The following ATRNL1 variants were observed in gnomAD, a reference collection of about 807,000 sequenced individuals.
ATRNL1 encodes the protein attractin-like protein 1.
ATRNL1 carries 95 observed loss-of-function variants against 182.7 expected under a neutral mutation model. That is an observed-to-expected ratio of 0.52 (90% CI 0.44 to 0.62). The LOEUF is 0.62. ATRNL1 is among the 20% of genes least tolerant of loss of function. ATRNL1 has a pLI of 0.00. For missense variants in ATRNL1, 1,471 were observed against 1,679.5 expected (o/e 0.88, Z 2.17); for synonymous variants, 576 against 568.3 (o/e 1.01, Z -0.19).
intron 10 of ATRNL1, among the ~76,000 whole-genome samples, 167 bp downstream of exon 10, chr10:115,241,892 A>G (rs899038449): frequency 1.3e-5 from 2 of 152,234 alleles, no homozygotes; most frequent in South Asian, 4.1e-4. Flanking sequence ...ATAGTAATAG[A>G]GCCAGGAGAA....
At chr10:115,741,568 G>A (rs1948140414) in intron 27 of ATRNL1, among the ~76,000 whole-genome samples, 2 of 152,136 alleles carry the variant, frequency 1.3e-5, no homozygotes, top group Non-Finnish European at 2.9e-5. Flanking sequence ...AGAGTTTTAT[G>A]ATTAATTTTA....
chr10:115,761,088 A>T (rs72826872), intron 27 of ATRNL1, among the ~76,000 whole-genome samples: 1 of 146,870 alleles, frequency 6.8e-6, no homozygotes, highest in Non-Finnish European at 1.5e-5. Context: ...AGCGTTTCAA[A>T]GACTGCACTG....
chr10:115,512,738 A>G (rs1488068173), intron 24 of ATRNL1, among the ~76,000 whole-genome samples: 6 of 151,920 alleles, frequency 3.9e-5, no homozygotes, highest in African/African-American at 1.4e-4. Context: ...ATAATTTTAG[A>G]TTGTAGTTTG....
chr10:115,334,195 G>T, intron 18 of ATRNL1, 87 bp from the exon 19 acceptor site: 1 of 915,376 alleles, frequency 1.1e-6, no homozygotes. Flanking sequence ...TTACAATCCA[G>T]CTTTTTAAGA....
intron 27 of ATRNL1, among the ~76,000 whole-genome samples, chr10:115,823,890 T>C (rs1950362827): frequency 6.6e-6 from 1 of 152,142 alleles, no homozygotes; most frequent in Non-Finnish European, 1.5e-5. Context: ...CCCCATCAAG[T>C]TGCCATTGAC....
At chr10:115,611,054 C>CTTTTTTTT (rs3086300) in intron 26 of ATRNL1, among the ~76,000 whole-genome samples, 10 of 147,110 alleles carry the variant, frequency 6.8e-5, no homozygotes, top group East Asian at 4.0e-4. Flanking sequence ...TTTCAAAGGA[C>CTTTTTTTT]TTTTTTTTTT....
chr10:115,118,470 GCAC>G (rs1364879154), intron 1 of ATRNL1, among the ~76,000 whole-genome samples: 1 of 152,090 alleles, frequency 6.6e-6, no homozygotes. Flanking sequence ...AGTTCTGGCA[GCAC>G]CATAAGCCGA....
chr10:115,918,098 CTTTTT>C (rs534230786), intron 28 of ATRNL1, among the ~76,000 whole-genome samples: 7 of 123,848 alleles, frequency 5.7e-5, no homozygotes, highest in African/African-American at 9.2e-5. Context: ...TTTTTAGTGT[CTTTTT>C]TTTTTTTTTT....
intron 1 of ATRNL1, among the ~76,000 whole-genome samples, chr10:115,100,196 GA>G (rs1331876431): frequency 6.6e-6 from 1 of 152,168 alleles, no homozygotes; most frequent in Non-Finnish European, 1.5e-5. Flanking sequence ...GGAAGGCTGA[GA>G]TGGGAGGATC....
In ATRNL1 at chr10:115,868,822, C is replaced by CTTTTTTTTTTTTTTTT. The variant is rs67676674; in HGVS notation, c.4018+20841_4018+20856dup. ...ATATATCTGGTGGCAAGTCTTTATT[C>CTTTTTTTTTTTTTTTT]TTTTTTTTTTTTTTTTTTTTTTTTT... On this transcript the variant is annotated intron_variant, in intron 28 of 28. Transcript: ENST00000355044. Among the ~76,000 whole-genome samples, 292 of 58,090 alleles carry CTTTTTTTTTTTTTTTT rather than the reference C, an allele frequency of 5.0e-3. 57 individuals carry two copies. The highest frequency in any genetic ancestry group is 6.5e-3 in the Non-Finnish European group (205 of 31,536). The allele number at this position is 58,090 out of a possible 152,430, so 38.1% of individuals were successfully genotyped here.
chr10:115,785,776 C>A (rs1555080290), intron 27 of ATRNL1, among the ~76,000 whole-genome samples: 1 of 152,102 alleles, frequency 6.6e-6, no homozygotes, highest in Non-Finnish European at 1.5e-5. Flanking sequence ...TTATCTCTTC[C>A]CTCTCGCATT....
chr10:115,172,063 G>A (rs147122861), intron 8 of ATRNL1, among the ~76,000 whole-genome samples: 208 of 152,146 alleles, frequency 1.4e-3, no homozygotes, highest in African/African-American at 4.9e-3. Flanking sequence ...TCCTTGTGCA[G>A]TCTTAATGAG....
intron 27 of ATRNL1, among the ~76,000 whole-genome samples, chr10:115,831,767 G>GTC (rs5788116): frequency 2.9e-5 from 4 of 136,778 alleles, no homozygotes; most frequent in Non-Finnish European, 3.1e-5. Flanking sequence ...AGTCAAGTGA[G>GTC]TTTTTTTTTT....
intron 22 of ATRNL1, among the ~76,000 whole-genome samples, chr10:115,464,189 A>T (rs1401855018): frequency 6.6e-6 from 1 of 152,020 alleles, no homozygotes; most frequent in Non-Finnish European, 1.5e-5. Context: ...AATTCTTATA[A>T]TATCATTTTG....
At chr10:115,118,214 A>G (rs1844576102) in intron 1 of ATRNL1, among the ~76,000 whole-genome samples, 2 of 151,846 alleles carry the variant, frequency 1.3e-5, no homozygotes, top group Admixed American at 6.6e-5. Flanking sequence ...ATGTGATCCC[A>G]TTTGTCCATT....
intron 9 of ATRNL1, among the ~76,000 whole-genome samples, chr10:115,228,307 T>TA (rs1202944942): frequency 2.0e-5 from 3 of 152,174 alleles, no homozygotes; most frequent in Non-Finnish European, 4.4e-5. Flanking sequence ...ATCTTGAACT[T>TA]ATAGGAGTTC....
At chr10:115,812,339 G>T (rs782688055) in intron 27 of ATRNL1, among the ~76,000 whole-genome samples, 1 of 151,992 alleles carries the variant, frequency 6.6e-6, no homozygotes, top group Non-Finnish European at 1.5e-5. Flanking sequence ...TTCTTGTTTG[G>T]ATCTTGTTGT....
chr10:115,277,977 G>A (rs1048336561), intron 13 of ATRNL1, among the ~76,000 whole-genome samples: 1 of 152,158 alleles, frequency 6.6e-6, no homozygotes, highest in Non-Finnish European at 1.5e-5. Flanking sequence ...TTTAGTGTCT[G>A]TGGAAGTAAA....
At chr10:115,472,773 AC>A (rs1428640683) in intron 24 of ATRNL1, among the ~76,000 whole-genome samples, 4 of 150,972 alleles carry the variant, frequency 2.6e-5, no homozygotes, top group Non-Finnish European at 4.5e-5. Context: ...GTGTATGAGA[AC>A]ATGTCATCTG....
Sources: allele counts gnomAD v4.1 joint callset (sites outside exome capture counted in the v4.1 genomes callset), GRCh38; gene constraint gnomAD v4.1.1; transcripts MANE v1.5; gene names NCBI Gene and HGNC (gene_info 2026-07-23, HGNC 2026-07-21).